The following RFC3 variants were observed in gnomAD, a reference collection of about 807,000 sequenced individuals.
RFC3 encodes the protein replication factor C subunit 3, also known as A1 38 kDa subunit.
A neutral mutation model predicts 45.1 loss-of-function variants in RFC3; 41 were observed. The observed-to-expected ratio is 0.91, with a 90% CI of 0.71 to 1.18. RFC3 has a LOEUF of 1.18. RFC3 is among the 50% of genes most tolerant of loss of function. The probability of loss-of-function intolerance (pLI) is 0.00; values close to 1 mark genes in which losing one functional copy is unlikely to be tolerated. For missense variants in RFC3, 423 were observed against 428.1 expected (o/e 0.99, Z 0.10); for synonymous variants, 149 against 144.0 (o/e 1.03, Z -0.25).
intron 8 of RFC3, among the ~76,000 whole-genome samples, chr13:33,965,402 G>C (rs956791065): frequency 7.2e-5 from 11 of 152,120 alleles, no homozygotes; most frequent in Admixed American, 7.2e-4. Flanking sequence ...GTAACATACT[G>C]TACAGGTTTG....
chr13:33,876,875 C>A (rs1431084828), intron 8 of RFC3, among the ~76,000 whole-genome samples: 1 of 152,180 alleles, frequency 6.6e-6, no homozygotes, highest in African/African-American at 2.4e-5. Context: ...CTCCCAAATC[C>A]CATGGTTTGC....
chr13:33,876,066 G>C (rs540744065), intron 8 of RFC3, among the ~76,000 whole-genome samples: 1 of 152,258 alleles, frequency 6.6e-6, no homozygotes, highest in East Asian at 1.9e-4. Flanking sequence ...TTAATCACTT[G>C]TCTGCTTCTC....
chr13:33,939,424 C>G (rs1024163184), intron 8 of RFC3, among the ~76,000 whole-genome samples: 2 of 152,116 alleles, frequency 1.3e-5, no homozygotes, highest in African/African-American at 4.8e-5. Context: ...GTGAACACAC[C>G]AAGGTGCTCG....
At chr13:33,960,170 G>T (rs541858148) in intron 8 of RFC3, among the ~76,000 whole-genome samples, 1 of 152,180 alleles carries the variant, frequency 6.6e-6, no homozygotes, top group South Asian at 2.1e-4. Context: ...TTCAACATGG[G>T]ATCTGGGTGG....
At chr13:33,827,559 C>T (rs562860719) in intron 4 of RFC3, among the ~76,000 whole-genome samples, 3 of 152,142 alleles carry the variant, frequency 2.0e-5, no homozygotes, top group South Asian at 4.1e-4. Flanking sequence ...TACCTGATTA[C>T]AATTACAAAC....
At chr13:33,925,642 GTATA>G (rs905816493) in intron 8 of RFC3, among the ~76,000 whole-genome samples, 2 of 146,994 alleles carry the variant, frequency 1.4e-5, no homozygotes, top group African/African-American at 5.1e-5. Flanking sequence ...ATATGTATAT[GTATA>G]TAGTGAAATG....
chr13:33,876,067 T>C (rs2082444585), intron 8 of RFC3, among the ~76,000 whole-genome samples: 1 of 152,236 alleles, frequency 6.6e-6, no homozygotes, highest in African/African-American at 2.4e-5. Context: ...TAATCACTTG[T>C]CTGCTTCTCC....
chr13:33,935,180 A>C (rs963430296), intron 8 of RFC3, among the ~76,000 whole-genome samples: 20 of 152,128 alleles, frequency 1.3e-4, no homozygotes, highest in African/African-American at 4.3e-4. Context: ...TGTTTTAAAT[A>C]AACTTTCCAT....
intron 8 of RFC3, among the ~76,000 whole-genome samples, chr13:33,887,405 A>C (rs1361470052): frequency 6.6e-6 from 1 of 151,802 alleles, no homozygotes; most frequent in Non-Finnish European, 1.5e-5. Context: ...GCATTTTTTC[A>C]TGTGTTTTTT....
chr13:33,971,167 A>C (rs1593726402), downstream of RFC3, among the ~76,000 whole-genome samples: 1 of 152,338 alleles, frequency 6.6e-6, no homozygotes, highest in East Asian at 1.9e-4. Context: ...AGAAGAAAAA[A>C]ACCTTCAGAC....
At chr13:33,831,173 C>A in intron 6 of RFC3, 83 bp from the exon 7 acceptor site, 1 of 847,324 alleles carries the variant, frequency 1.2e-6, no homozygotes, top group Non-Finnish European at 2.0e-6. Flanking sequence ...TTCCTAACCG[C>A]ACGGACCAGT....
At chr13:33,961,849 C>G (rs1037026540) in intron 8 of RFC3, among the ~76,000 whole-genome samples, 2 of 152,060 alleles carry the variant, frequency 1.3e-5, no homozygotes, top group Non-Finnish European at 2.9e-5. Context: ...GAAGAATAAG[C>G]CTTAGGATAA....
intron 8 of RFC3, among the ~76,000 whole-genome samples, chr13:33,958,140 G>T (rs926496865): frequency 6.6e-6 from 1 of 152,216 alleles, no homozygotes; most frequent in African/African-American, 2.4e-5. Flanking sequence ...ACTCTTTGAG[G>T]AGGTGACAGT....
intron 8 of RFC3, among the ~76,000 whole-genome samples, chr13:33,882,401 A>G (rs1388246075): frequency 2.0e-5 from 3 of 152,190 alleles, no homozygotes; most frequent in African/African-American, 7.2e-5. Context: ...CAAACCCACC[A>G]AATGCATCTG....
chr13:33,897,465 G>GA (rs1244153846), intron 8 of RFC3, among the ~76,000 whole-genome samples: 1 of 151,352 alleles, frequency 6.6e-6, no homozygotes, highest in Non-Finnish European at 1.5e-5. Flanking sequence ...TACTGCCAGG[G>GA]AAAAAATTAC....
intron 8 of RFC3, among the ~76,000 whole-genome samples, chr13:33,938,973 G>A (rs1009578013): frequency 7.9e-5 from 12 of 152,000 alleles, no homozygotes; most frequent in African/African-American, 2.9e-4. Flanking sequence ...GTGTGTAGTG[G>A]TATCATATTA....
At chr13:33,884,928 C>T (rs759872286) in intron 8 of RFC3, among the ~76,000 whole-genome samples, 17 of 152,278 alleles carry the variant, frequency 1.1e-4, no homozygotes, top group South Asian at 4.1e-4. Context: ...TCCTATGCTC[C>T]GTTGCTCTCA....
In RFC3 at chr13:33,823,932, A is replaced by C; in HGVS notation, c.241A>C (p.Lys81Gln). The C allele has an allele frequency of 6.4e-7, 1 of 1,563,736 alleles. No individual in the cohort carries two copies. The highest frequency in any genetic ancestry group is 8.8e-7 in the Non-Finnish European group (1 of 1,141,374). Residue 81 changes from lysine to glutamine, a missense_variant, in exon 3 of 9, where the codon AAA (lysine) becomes CAA (glutamine). Physicochemically the swap from Lys to Gln is moderately conservative, Grantham distance 53. Transcript: ENST00000380071. ...TTGTCCACAGACTCCATCTAAAAAA[A>C]AAATTGAAATTAGCACCATTGCAAG... Reference protein sequence around the residue: ...HQTITTPSKKKIEISTIASNY... With the variant: ...HQTITTPSKKQIEISTIASNY...
chr13:33,920,036 T>G lies in RFC3; in HGVS notation c.880-46051T>G, dbSNP rs575454523. Among the ~76,000 whole-genome samples the G allele has an allele frequency of 1.9e-3, 289 of 152,270 alleles. 1 individual carries two copies. The highest frequency in any genetic ancestry group is 6.6e-3 in the African/African-American group (275 of 41,570). ...TAGAAATTTTACTCTTGTTCCTGCC[T>G]AAGTCTCCCTAATCAACCTTCCCTT... is the stretch of plus-strand genomic sequence containing the variant. On this transcript the variant is annotated intron_variant, in intron 8 of 8. Transcript: ENST00000434425.
Sources: allele counts gnomAD v4.1 joint callset (sites outside exome capture counted in the v4.1 genomes callset), GRCh38; gene constraint gnomAD v4.1.1; transcripts MANE v1.5; gene names NCBI Gene and HGNC (gene_info 2026-07-23, HGNC 2026-07-21).